NSMAF: variants seen among roughly 807,000 people sequenced by gnomAD.
NSMAF encodes protein FAN.
A neutral mutation model predicts 134.9 loss-of-function variants in NSMAF; 90 were observed. That is an observed-to-expected ratio of 0.67 (90% CI 0.56 to 0.79). NSMAF has a LOEUF of 0.79. Ranked by LOEUF, NSMAF falls within the 30% of genes least tolerant of loss-of-function variation. The pLI is 0.00. For missense variants in NSMAF, 1,010 were observed against 1,119.0 expected (o/e 0.90, Z 1.39); for synonymous variants, 358 against 389.6 (o/e 0.92, Z 0.96).
intron 13 of NSMAF, among the ~76,000 whole-genome samples, chr8:58,602,741 T>C (rs1360849820): frequency 1.3e-5 from 2 of 152,204 alleles, no homozygotes; most frequent in Non-Finnish European, 2.9e-5. Context: ...AGAGTAGATA[T>C]ACCCCAAAGG....
intron 1 of NSMAF, among the ~76,000 whole-genome samples, chr8:58,653,874 C>T (rs756711127): frequency 2.0e-5 from 3 of 152,174 alleles, no homozygotes; most frequent in Non-Finnish European, 2.9e-5. Context: ...TGGATAGATT[C>T]CTGTGACTTC....
chr8:58,643,031 T>C lies in NSMAF; in HGVS notation c.102A>G (p.Glu34=), dbSNP rs781087299. The stretch of plus-strand genomic sequence containing the variant: ...GCAAAATGTGATTGGCTCTATGCTG[T>C]TCAAAGTAGTACTCCTCCAAGTTAA... ...LLLNLEEYYF[E]QHRANHILHK... is the part of the protein sequence containing the mutation. The change falls in exon 2 of 31, where the codon GAA becomes GAG. Residue 34 remains glutamate, a synonymous_variant. Coordinates refer to ENST00000038176, the MANE Select transcript of NSMAF (RefSeq NM_003580.4). 3 of 1,614,044 alleles carry C rather than the reference T, an allele frequency of 1.9e-6. No homozygotes were observed. Among genetic ancestry groups the C allele is most frequent in the African/African-American group, 2.7e-5 (2 of 74,940 alleles).
Position 58,597,387 on chromosome 8 carries a change from C to G in NSMAF, c.1792G>C (p.Gly598Arg). 6.2e-7 allele frequency: 1 copy of G among 1,612,308 alleles called. No individual in the cohort carries two copies. The highest frequency in any genetic ancestry group is 1.7e-5 in the Admixed American group (1 of 59,582). Reference sequence around the variant, plus strand: ...CGTTTATTCTCTTTACAAAATTTACCTGGGGAATCTGCCATAGAAGCATTA... The same window carrying G: ...CGTTTATTCTCTTTACAAAATTTACGTGGGGAATCTGCCATAGAAGCATTA... ...SYNASMADSP[G>R]EESFEDLTEE... The change falls in exon 21 of 31, where the codon GGT (glycine) becomes CGT (arginine). Residue 598 changes from glycine (G) to arginine (R), a missense_variant and splice_region_variant. Gly to Arg is a moderately radical substitution (Grantham distance 125, BLOSUM62 -2). Transcript: ENST00000038176.
intron 9 of NSMAF, among the ~76,000 whole-genome samples, chr8:58,616,222 CA>C (rs1039466133): frequency 1.3e-5 from 2 of 152,074 alleles, no homozygotes; most frequent in Non-Finnish European, 1.5e-5. Flanking sequence ...AACAATCCTA[CA>C]CAAACTTTTT....
chr8:58,597,845 T>C lies in NSMAF; in HGVS notation c.1628+15A>G, dbSNP rs745743589. Reference sequence around the variant, plus strand: ...TTATAACTCAAGTAGAAACTCCTTATTGACATATAAGTACCTGTTCAAGTC... The same window carrying C: ...TTATAACTCAAGTAGAAACTCCTTACTGACATATAAGTACCTGTTCAAGTC... On this transcript the variant is annotated intron_variant, in intron 20 of 30. Coordinates refer to ENST00000038176, the MANE Select transcript of NSMAF (RefSeq NM_003580.4). 1 of 1,549,112 alleles carries C rather than the reference T, an allele frequency of 6.5e-7. No homozygotes were observed. Among genetic ancestry groups the C allele is most frequent in the Non-Finnish European group, 8.9e-7 (1 of 1,123,672 alleles).
At chr8:58,594,497 A>T (rs936812112) in intron 22 of NSMAF, 37 of 567,884 alleles carry the variant, frequency 6.5e-5, no homozygotes, top group Admixed American at 5.0e-4. Flanking sequence ...GCTAGAAAAC[A>T]TCCCCACTCT....
chr8:58,651,736 T>C (rs769376219), intron 1 of NSMAF, among the ~76,000 whole-genome samples: 3 of 152,216 alleles, frequency 2.0e-5, no homozygotes, highest in Non-Finnish European at 4.4e-5. Flanking sequence ...TCAAGATGAA[T>C]GCTGAATTAC....
At chr8:58,609,800 A>C (rs1806486977) in intron 9 of NSMAF, 67 bp from the exon 10 acceptor site, 1 of 1,469,816 alleles carries the variant, frequency 6.8e-7, no homozygotes, top group African/African-American at 1.4e-5. Context: ...GGTTTATCTA[A>C]GGGAGCTACA....
chr8:58,626,586 A>G (rs1433949908), intron 6 of NSMAF, among the ~76,000 whole-genome samples: 1 of 152,144 alleles, frequency 6.6e-6, no homozygotes, highest in Non-Finnish European at 1.5e-5. Context: ...GTGTATATAT[A>G]TAGGACTTTT....
intron 21 of NSMAF, 99 bp from the exon 22 acceptor site, chr8:58,595,758 A>G (rs1244841352): frequency 2.7e-6 from 2 of 735,750 alleles, no homozygotes; most frequent in Non-Finnish European, 4.8e-6. Flanking sequence ...AACAACTAAG[A>G]AATGAAACAC....
At chr8:58,599,660 T>C in intron 18 of NSMAF, 90 bp downstream of exon 18, 1 of 1,428,882 alleles carries the variant, frequency 7.0e-7, no homozygotes, top group Admixed American at 2.1e-5. Context: ...ATATTGTGAT[T>C]TTTAAAAATC....
intron 1 of NSMAF, chr8:58,659,146 A>G: frequency 8.1e-7 from 1 of 1,232,052 alleles, no homozygotes; most frequent in Non-Finnish European, 1.0e-6. Context: ...CCTGGACCCG[A>G]TTAAGGGGAA....
chr8:58,623,179 T>C (rs1165980290), intron 9 of NSMAF, 41 bp downstream of exon 9: 13 of 1,457,300 alleles, frequency 8.9e-6, no homozygotes, highest in African/African-American at 1.4e-5. Context: ...GATGAAAATG[T>C]CCACCACTTT....
chr8:58,631,285 G>T, intron 6 of NSMAF: 2 of 347,956 alleles, frequency 5.7e-6, no homozygotes, highest in South Asian at 7.1e-5. Flanking sequence ...TTTTTTTTTA[G>T]GCACTTTTTT....
chr8:58,605,592 G>A (rs1806386417), intron 12 of NSMAF, among the ~76,000 whole-genome samples: 1 of 152,080 alleles, frequency 6.6e-6, no homozygotes. Flanking sequence ...TATAGTTACT[G>A]ATGAGAAGAA....
intron 26 of NSMAF, 66 bp downstream of exon 26, chr8:58,589,386 G>A: frequency 7.8e-7 from 1 of 1,282,288 alleles, no homozygotes; most frequent in Non-Finnish European, 1.0e-6. Context: ...TACATTTTAA[G>A]CTAAAAATTA....
intron 7 of NSMAF, 136 bp from the exon 8 acceptor site, chr8:58,623,560 A>T: frequency 9.3e-7 from 1 of 1,071,592 alleles, no homozygotes. Context: ...CTTCTTCCTA[A>T]TATATAGTTT....
In NSMAF at chr8:58,589,556, A is replaced by G; in HGVS notation, c.2107T>C (p.Phe703Leu). Residue 703 changes from phenylalanine (F) to leucine (L), a missense_variant, in exon 26 of 31, where the codon TTT becomes CTT. Transcript: ENST00000038176. ...ATTAACGTGTCCTGGCGTCTTCCAA[A>G]TGCTATGGAATAAAAATAGCTAAAA... ...DNNVYFYSIA[F>L]GRRQDTLMGH... 1.3e-6 allele frequency: 2 copies of G among 1,566,176 alleles called. No homozygotes were observed. The highest frequency in any genetic ancestry group is 1.7e-6 in the Non-Finnish European group (2 of 1,166,326).
chr8:58,586,744 C>T, intron 27 of NSMAF, 136 bp from the exon 28 acceptor site: 1 of 622,298 alleles, frequency 1.6e-6, no homozygotes, highest in East Asian at 2.9e-5. Flanking sequence ...GTTGCTAATG[C>T]AGATGTATTT....
Sources: allele counts gnomAD v4.1 joint callset (sites outside exome capture counted in the v4.1 genomes callset), GRCh38; gene constraint gnomAD v4.1.1; transcripts MANE v1.5; gene names NCBI Gene and HGNC (gene_info 2026-07-23, HGNC 2026-07-21).